Variants in ZNF841 observed in about 807,000 individuals in gnomAD.
ZNF841 encodes the protein TCONS_00006091.
A neutral mutation model predicts 13.0 loss-of-function variants in ZNF841; 11 were observed. The observed-to-expected ratio is 0.85, with a 90% CI of 0.53 to 1.40. The LOEUF is 1.40. Ranked by LOEUF, ZNF841 falls within the 40% of genes most tolerant of loss-of-function variation. The pLI, the probability that ZNF841 is intolerant of heterozygous loss-of-function variation, is 0.00. For synonymous variants in ZNF841, 369 were observed against 381.6 expected (o/e 0.97, Z 0.38); for missense variants, 1,068 against 1,139.5 (o/e 0.94, Z 0.90).
chr19:52,093,610 T>C (rs1361797767), intron 2 of ZNF841, among the ~76,000 whole-genome samples: 1 of 152,098 alleles, frequency 6.6e-6, no homozygotes, highest in Non-Finnish European at 1.5e-5. Flanking sequence ...TAATAAATTA[T>C]GGGGTAAAAG....
In ZNF841 at chr19:52,066,870, T is replaced by C. The variant is rs1323544329; in HGVS notation, c.1012A>G (p.Ser338Gly). 4 of 1,614,086 alleles carry C rather than the reference T, an allele frequency of 2.5e-6. No homozygotes were observed. Among genetic ancestry groups the C allele is most frequent in the Admixed American group, 1.7e-5 (1 of 59,998 alleles). Residue 338 changes from serine to glycine, a missense_variant, in exon 7 of 7, where the codon AGT (serine) becomes GGT (glycine). By Grantham distance (56) the Ser-to-Gly change is moderately conservative. Transcript: ENST00000594440. ...QNSDLVNHRR[S>G]HTGDKPYICN... ...ATGTAGGGTTTGTCTCCAGTGTGAC[T>C]TCTCCGGTGATTTACAAGATCTGAA...
At chr19:52,068,537 G>A (rs1402960864) in intron 6 of ZNF841, among the ~76,000 whole-genome samples, 1 of 151,862 alleles carries the variant, frequency 6.6e-6, no homozygotes, top group African/African-American at 2.4e-5. Context: ...TCAGCCGGGT[G>A]TGGTGGCACG....
Position 52,066,524 on chromosome 19 carries a change from C to G in ZNF841, c.1358G>C (p.Gly453Ala), listed in dbSNP as rs2087569192. The change falls in exon 7 of 7, where the codon GGA (glycine) becomes GCA (alanine). Residue 453 changes from glycine to alanine, a missense_variant. Physicochemically the swap from Gly to Ala is moderately conservative, Grantham distance 60. Coordinates refer to ENST00000594440, the MANE Select transcript of ZNF841 (RefSeq NM_001136499.2). ...TTCATTACATTTGTAAGGTGTCTCT[C>G]CAGTATGAATTATCTGGTGCCTTAC... is the stretch of plus-strand genomic sequence containing the variant. The part of the protein sequence containing the change: ...QLVRHQIIHT[G>A]ETPYKCNECG... The G allele has an allele frequency of 6.2e-7, 1 of 1,613,730 alleles. No homozygotes were observed.
chr19:52,075,874 G>A (rs915395771), intron 6 of ZNF841, among the ~76,000 whole-genome samples, 170 bp downstream of exon 6: 2 of 152,216 alleles, frequency 1.3e-5, no homozygotes, highest in Admixed American at 1.3e-4. Context: ...CCTGGAGAGT[G>A]AAAGGTAAAG....
At chr19:52,073,293 GTTT>G (rs904942956) in intron 6 of ZNF841, among the ~76,000 whole-genome samples, 7 of 148,948 alleles carry the variant, frequency 4.7e-5, no homozygotes, top group Non-Finnish European at 1.5e-5. Context: ...ACAAGTTGTT[GTTT>G]TTTTTTCTTT....
intron 6 of ZNF841, among the ~76,000 whole-genome samples, chr19:52,068,559 C>G (rs2087651387): frequency 6.6e-6 from 1 of 151,606 alleles, no homozygotes; most frequent in South Asian, 2.1e-4. Context: ...GCCTGTAATC[C>G]CAGCTACTCC....
intron 6 of ZNF841, among the ~76,000 whole-genome samples, chr19:52,069,105 A>AG (rs1264915432): frequency 6.6e-6 from 1 of 152,092 alleles, no homozygotes; most frequent in Non-Finnish European, 1.5e-5. Context: ...ATGGAGTCTC[A>AG]CTCTGTCACC....
intron 5 of ZNF841, 165 bp from the exon 6 acceptor site, chr19:52,076,337 T>C (rs1180301726): frequency 1.1e-5 from 9 of 807,474 alleles, no homozygotes. Context: ...GATGAAGATA[T>C]CTAGCTCTCT....
At chr19:52,080,862 T>C (rs1193067828) in intron 4 of ZNF841, among the ~76,000 whole-genome samples, 1 of 152,148 alleles carries the variant, frequency 6.6e-6, no homozygotes, top group African/African-American at 2.4e-5. Context: ...CAGAGTGTCC[T>C]CCCTGAACAA....
At chr19:52,086,649 C>G (rs9304723) in intron 3 of ZNF841, among the ~76,000 whole-genome samples, 1 of 152,088 alleles carries the variant, frequency 6.6e-6, no homozygotes, top group African/African-American at 2.4e-5. Flanking sequence ...TGGACAGAAA[C>G]AAGAAGAGGT....
intron 5 of ZNF841, 140 bp from the exon 6 acceptor site, chr19:52,076,312 T>G: frequency 9.8e-7 from 1 of 1,018,406 alleles, no homozygotes; most frequent in Non-Finnish European, 1.4e-6. Context: ...TCTGAATGCT[T>G]AGTGAACACT....
rs1322414344 is a variant in ZNF841, at chr19:52,065,396, G to C, written c.2486C>G (p.Ala829Gly). 4 of 1,610,348 alleles carry C rather than the reference G, an allele frequency of 2.5e-6. No homozygotes were observed. The highest frequency in any genetic ancestry group is 3.4e-6 in the Non-Finnish European group (4 of 1,177,962). The change falls in exon 7 of 7, where the codon GCT becomes GGT. Residue 829 changes from alanine to glycine, a missense_variant. Coordinates refer to ENST00000594440, the MANE Select transcript of ZNF841 (RefSeq NM_001136499.2). ...KPYKCNECGK[A>G]FIERSNLVYH... ...AACCAAGTTTGACCTTTCGATAAAA[G>C]CTTTACCACATTCATTACATTTATA...
downstream of ZNF841, among the ~76,000 whole-genome samples, chr19:52,061,543 C>T (rs376915727): frequency 1.6e-4 from 24 of 151,964 alleles, no homozygotes; most frequent in Admixed American, 1.6e-3. Context: ...TGATCCCCCC[C>T]ACTCTTACTT....
At chr19:52,087,445 T>C (rs2088311223) in intron 3 of ZNF841, among the ~76,000 whole-genome samples, 1 of 152,172 alleles carries the variant, frequency 6.6e-6, no homozygotes, top group African/African-American at 2.4e-5. Flanking sequence ...TACCTCCCAC[T>C]TGTAAGTGAG....
chr19:52,083,288 T>C (rs1254172558), intron 4 of ZNF841, among the ~76,000 whole-genome samples: 1 of 152,060 alleles, frequency 6.6e-6, no homozygotes, highest in Non-Finnish European at 1.5e-5. Flanking sequence ...TGGGTTCCTC[T>C]GGGTGGGTAA....
At chr19:52,074,742 C>T (rs909687297) in intron 6 of ZNF841, among the ~76,000 whole-genome samples, 1 of 152,166 alleles carries the variant, frequency 6.6e-6, no homozygotes, top group Admixed American at 6.5e-5. Flanking sequence ...GTCTAGAACT[C>T]CTAACCTCAG....
chr19:52,095,081 T>C (rs569731715), intron 1 of ZNF841, among the ~76,000 whole-genome samples: 7 of 152,212 alleles, frequency 4.6e-5, no homozygotes, highest in African/African-American at 1.7e-4. Context: ...AGGGGAGGAA[T>C]AGGATGCCCA....
In ZNF841 at chr19:52,065,047, A is replaced by G. The variant is rs979630243; in HGVS notation, c.*60T>C. ...ACCTCCAATACTGGAGATTACTACA[A>G]TTCCACATGAGACTTCAAAGGGAAA... On this transcript the variant is annotated 3_prime_UTR_variant, in exon 7 of 7. Coordinates refer to ENST00000594440, the MANE Select transcript of ZNF841 (RefSeq NM_001136499.2). The G allele has an allele frequency of 3.6e-6, 5 of 1,383,386 alleles. No homozygotes were observed. In the African/African-American group the frequency reaches 5.9e-5, roughly 16 times the overall value. 85.7% of individuals were successfully genotyped at this position (1,383,386 alleles called of 1,614,324 possible).
chr19:52,068,668 C>CAAA lies in ZNF841; in HGVS notation c.272-1061_272-1059dup, dbSNP rs1244178282. Reference sequence around the variant, plus strand: ...TCCAGCCTGGGCGACAGAGCAGTCTCAAAAAAAAAAAAAAAAATGGAGACA... The same window carrying CAAA: ...TCCAGCCTGGGCGACAGAGCAGTCTCAAAAAAAAAAAAAAAAAAAATGGAGACA... On this transcript the variant is annotated intron_variant, in intron 6 of 6. Coordinates refer to ENST00000594440, the MANE Select transcript of ZNF841 (RefSeq NM_001136499.2). Among the ~76,000 whole-genome samples the CAAA allele has an allele frequency of 8.9e-5, 8 of 90,220 alleles. No homozygotes were observed. In the East Asian group the frequency reaches 1.5e-3, roughly 17 times the overall value. 59.2% of individuals were successfully genotyped at this position (90,220 alleles called of 152,430 possible).
Sources: gnomAD v4.1 joint callset for allele counts (sites outside exome capture counted in the v4.1 genomes callset) on GRCh38, gnomAD v4.1.1 for gene constraint, MANE v1.5 for transcripts, NCBI Gene and HGNC (gene_info 2026-07-23, HGNC 2026-07-21) for gene names.